Variants in TRIM49 observed in about 807,000 individuals in gnomAD.
The protein encoded by TRIM49 is tripartite motif-containing protein 49.
Under a neutral mutation model 27.4 loss-of-function variants are expected in TRIM49, and 5 were observed. That is an observed-to-expected ratio of 0.18 (90% confidence interval 0.10 to 0.38). The LOEUF is 0.38. Among genes scored for constraint, TRIM49 ranks in the 10% least tolerant of loss-of-function variants. TRIM49 has a pLI of 1.00. For missense variants in TRIM49, 188 were observed against 487.5 expected (o/e 0.39, Z 5.79); for synonymous variants, 69 against 166.0 (o/e 0.42, Z 4.49).
At chr11:89,805,583 C>T (rs1409199298) in intron 2 of TRIM49, among the ~76,000 whole-genome samples, 1 of 151,776 alleles carries the variant, frequency 6.6e-6, no homozygotes, top group Non-Finnish European at 1.5e-5. Flanking sequence ...AGCTTAGAGA[C>T]AGCCTATATT....
the TRIM49 span, among the ~76,000 whole-genome samples, chr11:89,772,712 C>T: frequency 5.2e-5 from 7 of 134,070 alleles, no homozygotes; most frequent in Non-Finnish European, 1.1e-4. Flanking sequence ...TAACAATTGA[C>T]ACCTTGGTTG....
intron 2 of TRIM49, among the ~76,000 whole-genome samples, chr11:89,804,804 C>T (rs1265315152): frequency 6.6e-6 from 1 of 151,200 alleles, no homozygotes; most frequent in East Asian, 1.9e-4. Context: ...CATAGTTGTC[C>T]CTATTCTTCT....
downstream of TRIM49, chr11:89,797,654 G>A (rs1180678279): frequency 6.7e-6 from 1 of 149,904 alleles, no homozygotes; most frequent in Non-Finnish European, 1.5e-5. Flanking sequence ...AGGTCAAATA[G>A]TATTACCTCA....
chr11:89,800,459 A>T (rs1188012565), intron 6 of TRIM49, among the ~76,000 whole-genome samples: 1 of 151,660 alleles, frequency 6.6e-6, no homozygotes, highest in Non-Finnish European at 1.5e-5. Flanking sequence ...AAACAAAATC[A>T]GGGGCCGGGC....
chr11:89,808,337 A>AC (rs1341516602), intron 1 of TRIM49, 100 bp downstream of exon 1: 122 of 148,242 alleles, frequency 8.2e-4, no homozygotes, highest in African/African-American at 2.7e-3. Context: ...AATCTATCAG[A>AC]CCCAGGTCTG....
chr11:89,800,509 C>T (rs1348927452), intron 6 of TRIM49, among the ~76,000 whole-genome samples: 2 of 151,372 alleles, frequency 1.3e-5, no homozygotes, highest in East Asian at 3.9e-4. Flanking sequence ...TTTGGGAGGC[C>T]GAGGCGGGCG....
At chr11:89,768,422 C>T in the TRIM49 span, 16 of 603,276 alleles carry the variant, frequency 2.7e-5, 2 homozygotes, top group South Asian at 8.5e-5. Context: ...GTTTGTGGCC[C>T]TTAGGGAATC....
At chr11:89,794,413 A>G (rs1439120718), downstream of TRIM49, among the ~76,000 whole-genome samples, 4 of 149,540 alleles carry the variant, frequency 2.7e-5, no homozygotes, top group Non-Finnish European at 5.9e-5. Flanking sequence ...GAACCAAAAA[A>G]GAGCCCTCAC....
chr11:89,785,213 A>T, the TRIM49 span, among the ~76,000 whole-genome samples: 1 of 137,146 alleles, frequency 7.3e-6, no homozygotes, highest in Admixed American at 7.1e-5. Context: ...ACTGAGTGAG[A>T]CTCTGCCTCA....
the TRIM49 span, chr11:89,777,187 C>T: frequency 6.5e-7 from 1 of 1,548,856 alleles, no homozygotes; most frequent in Non-Finnish European, 8.7e-7. Context: ...CAATGTGGTA[C>T]TCAAAAAGCT....
the TRIM49 span, chr11:89,777,336 G>A: frequency 1.3e-6 from 2 of 1,533,996 alleles, no homozygotes; most frequent in Non-Finnish European, 1.8e-6. Flanking sequence ...AGTCACCAGA[G>A]CACATGGCTC....
chr11:89,797,089 G>A (rs1355337670), downstream of TRIM49, among the ~76,000 whole-genome samples: 5 of 152,030 alleles, frequency 3.3e-5, no homozygotes, highest in Non-Finnish European at 7.4e-5. Context: ...AGGGCCTGTG[G>A]TACAACTGGT....
At chr11:89,777,581 G>A in the TRIM49 span, among the ~76,000 whole-genome samples, 5,383 of 126,524 alleles carry the variant, frequency 0.043, 16 homozygotes, top group East Asian at 0.15. Flanking sequence ...TTGAGACTTC[G>A]CTAAAGGAGG....
At position 89,803,564 on chromosome 11, in the gene TRIM49, TCA is replaced by T; in HGVS notation, c.507+132_507+133del. On this transcript the variant is annotated intron_variant, in intron 4 of 7. Coordinates refer to ENST00000329758, the MANE Select transcript of TRIM49 (RefSeq NM_020358.2). ...TATATAAAAATGAGGCCACTTTTTC[TCA>T]GTGTTTTCTCTCGCCTTTTTTTTTT... 7.8e-6 allele frequency: 12 copies of T among 1,528,706 alleles called. No individual in the cohort carries two copies. The South Asian group carries it at 1.0e-4, about 13-fold the overall frequency. The allele number at this position is 1,528,706 out of a possible 1,614,324, so 94.7% of individuals were successfully genotyped here. A position where few individuals can be genotyped will look rare whatever the true frequency, so the allele number is the denominator to read the frequency against.
intron 6 of TRIM49, among the ~76,000 whole-genome samples, chr11:89,800,276 C>A (rs1949724102): frequency 6.6e-6 from 1 of 151,504 alleles, no homozygotes; most frequent in African/African-American, 2.4e-5. Context: ...CAGTTTTTTT[C>A]AATCTATTTT....
chr11:89,786,526 G>T, the TRIM49 span: 1 of 144,520 alleles, frequency 6.9e-6, no homozygotes, highest in Admixed American at 6.8e-5. Context: ...GAAACAGGCT[G>T]CCAGGCCCTG....
downstream of TRIM49, among the ~76,000 whole-genome samples, chr11:89,793,763 C>T (rs1949670914): frequency 6.6e-6 from 1 of 151,892 alleles, no homozygotes; most frequent in Non-Finnish European, 1.5e-5. Context: ...TATGACAATC[C>T]CACAGCCAAT....
chr11:89,803,160 G>A (rs1242646309), intron 4 of TRIM49, among the ~76,000 whole-genome samples: 2 of 146,174 alleles, frequency 1.4e-5, no homozygotes, highest in East Asian at 4.0e-4. Context: ...ACACAAATCC[G>A]TATTTCTCAC....
the TRIM49 span, among the ~76,000 whole-genome samples, chr11:89,770,669 C>A: frequency 1.6e-4 from 23 of 140,430 alleles, 4 homozygotes; most frequent in Non-Finnish European, 2.7e-4. Context: ...ACCATCCTGG[C>A]TAACACGGTG....
Sources: allele counts gnomAD v4.1 joint callset (sites outside exome capture counted in the v4.1 genomes callset), GRCh38; gene constraint gnomAD v4.1.1; transcripts MANE v1.5; gene names NCBI Gene and HGNC (gene_info 2026-07-23, HGNC 2026-07-21).